Variants in KCNK10 observed in about 807,000 individuals in gnomAD.
The protein encoded by KCNK10 is potassium channel subfamily K member 10.
In KCNK10, 25 loss-of-function variants were observed where a neutral mutation model predicts 47.7. The observed-to-expected ratio is 0.52, with a 90% CI of 0.38 to 0.73. KCNK10 has a LOEUF of 0.73. KCNK10 is among the 30% of genes least tolerant of loss of function. The pLI, the probability that KCNK10 is intolerant of heterozygous loss-of-function variation, is 0.00. For synonymous variants in KCNK10, 303 were observed against 285.6 expected (o/e 1.06, Z -0.61); for missense variants, 563 against 714.5 (o/e 0.79, Z 2.42).
At chr14:88,246,822 G>A (rs1886656222) in intron 2 of KCNK10, among the ~76,000 whole-genome samples, 1 of 152,222 alleles carries the variant, frequency 6.6e-6, no homozygotes, top group South Asian at 2.1e-4. Context: ...TCTATAAAAT[G>A]AGGACTAATA....
intron 1 of KCNK10, among the ~76,000 whole-genome samples, chr14:88,294,081 C>G (rs745316370): frequency 2.0e-5 from 3 of 152,192 alleles, no homozygotes; most frequent in Non-Finnish European, 2.9e-5. Flanking sequence ...GAAACCACTA[C>G]AGCCCACTCT....
chr14:88,311,471 A>G (rs1055422978), intron 1 of KCNK10, among the ~76,000 whole-genome samples: 8 of 152,120 alleles, frequency 5.3e-5, no homozygotes, highest in African/African-American at 1.7e-4. Context: ...TCCAAACAAG[A>G]GACCACGGCT....
intron 1 of KCNK10, among the ~76,000 whole-genome samples, chr14:88,301,019 C>T (rs887054489): frequency 1.3e-5 from 2 of 152,168 alleles, no homozygotes; most frequent in Non-Finnish European, 2.9e-5. Flanking sequence ...CTACCATTCA[C>T]CAGCTCCAGG....
chr14:88,310,344 T>G (rs1888302887), intron 1 of KCNK10, among the ~76,000 whole-genome samples: 1 of 151,714 alleles, frequency 6.6e-6, no homozygotes, highest in South Asian at 2.1e-4. Context: ...GTCTTTTTCA[T>G]CTTTCTGTGT....
At chr14:88,210,802 T>C (rs1419851688) in intron 4 of KCNK10, among the ~76,000 whole-genome samples, 1 of 146,506 alleles carries the variant, frequency 6.8e-6, no homozygotes, top group Non-Finnish European at 1.5e-5. Flanking sequence ...TACCAAACGC[T>C]GTCATTTGGG....
chr14:88,213,088 T>A (rs115169451), intron 4 of KCNK10, among the ~76,000 whole-genome samples: 1,534 of 152,272 alleles, frequency 0.01, 25 homozygotes, highest in African/African-American at 0.036. Flanking sequence ...CTAGAAAGTA[T>A]CAATGACTAC....
chr14:88,325,459 G>A (rs1257112876), upstream of KCNK10, among the ~76,000 whole-genome samples: 1 of 152,102 alleles, frequency 6.6e-6, no homozygotes. Flanking sequence ...GCTGTAACTG[G>A]CCTCCTTTTA....
chr14:88,254,378 A>G (rs1283739047), intron 2 of KCNK10, among the ~76,000 whole-genome samples: 4 of 151,984 alleles, frequency 2.6e-5, no homozygotes, highest in Non-Finnish European at 4.4e-5. Context: ...CCAACCCTAA[A>G]CCCACTCCCG....
intron 2 of KCNK10, among the ~76,000 whole-genome samples, chr14:88,251,480 C>G (rs762435844): frequency 6.6e-6 from 1 of 152,088 alleles, no homozygotes; most frequent in Non-Finnish European, 1.5e-5. Flanking sequence ...ATAAAGGGCC[C>G]ATAAAGGCTT....
In KCNK10 at chr14:88,263,536, G is replaced by A; in HGVS notation, c.68C>T (p.Ala23Val). The change falls in exon 2 of 7, where the codon GCA (alanine) becomes GTA (valine). Residue 23 changes from alanine (A) to valine (V), a missense_variant. Coordinates refer to ENST00000319231, the MANE Select transcript of KCNK10 (RefSeq NM_138317.3). Reference sequence around the variant, plus strand: ...GCTCTTGGGCTGGCACACCGGTGCTGCTGCGGGAACGGCCACTGAGGAGTC... The same window carrying A: ...GCTCTTGGGCTGGCACACCGGTGCTACTGCGGGAACGGCCACTGAGGAGTC... Reference protein sequence around the residue: ...NWDPKVAVPAAAPVCQPKSAT... With the variant: ...NWDPKVAVPAVAPVCQPKSAT... 1 of 1,611,362 alleles carries A rather than the reference G, an allele frequency of 6.2e-7. No homozygotes were observed. Among genetic ancestry groups the A allele is most frequent in the Non-Finnish European group, 8.5e-7 (1 of 1,179,678 alleles).
In KCNK10 at chr14:88,260,727, T is replaced by C. The variant is rs978074255; in HGVS notation, c.402+2475A>G. Among the ~76,000 whole-genome samples the C allele has an allele frequency of 2.6e-5, 4 of 152,188 alleles. No individual in the cohort carries two copies. Among genetic ancestry groups the C allele is most frequent in the African/African-American group, 7.2e-5 (3 of 41,446 alleles). On this transcript the variant is annotated intron_variant, in intron 2 of 6. Transcript: ENST00000319231. The surrounding 1 kb of genome is among the most constrained non-coding windows in gnomAD (Gnocchi z 4.5). ...TTGTTGATAAGATTAAATGAGATAA[T>C]GGGTATATGATGCCCAGCTCATAAC...
upstream of KCNK10, among the ~76,000 whole-genome samples, chr14:88,323,466 G>A (rs1427952033): frequency 3.3e-5 from 5 of 149,430 alleles, no homozygotes; most frequent in African/African-American, 7.3e-5. Flanking sequence ...CCCGGCAAGA[G>A]GGAGCAGGGC....
chr14:88,317,292 T>C (rs1353473055), intron 1 of KCNK10, among the ~76,000 whole-genome samples: 2 of 152,210 alleles, frequency 1.3e-5, no homozygotes, highest in Non-Finnish European at 2.9e-5. Context: ...TTAATAAAGC[T>C]AGCACTTAAG....
intron 4 of KCNK10, among the ~76,000 whole-genome samples, chr14:88,203,685 C>T (rs1325555852): frequency 2.0e-5 from 3 of 152,176 alleles, no homozygotes; most frequent in Non-Finnish European, 2.9e-5. Flanking sequence ...TGTCCGTCTC[C>T]CTCAGCTCTA....
At chr14:88,239,118 CAG>C (rs1886377840) in intron 3 of KCNK10, among the ~76,000 whole-genome samples, 1 of 151,910 alleles carries the variant, frequency 6.6e-6, no homozygotes. Context: ...CAAAATGTGG[CAG>C]AGACACAGAG....
chr14:88,324,123 C>T (rs945827516), upstream of KCNK10, among the ~76,000 whole-genome samples: 1 of 152,242 alleles, frequency 6.6e-6, no homozygotes, highest in Non-Finnish European at 1.5e-5. Context: ...TGCCAAGACC[C>T]GGCAGCTCCC....
At chr14:88,210,543 T>C (rs548317004) in intron 4 of KCNK10, among the ~76,000 whole-genome samples, 1 of 152,282 alleles carries the variant, frequency 6.6e-6, no homozygotes, top group East Asian at 1.9e-4. Flanking sequence ...ATGTCATCCG[T>C]ATGCAGAGGC....
chr14:88,317,723 C>G (rs1888457061), intron 1 of KCNK10, among the ~76,000 whole-genome samples: 1 of 152,302 alleles, frequency 6.6e-6, no homozygotes, highest in Middle Eastern at 3.4e-3. Flanking sequence ...ATCTAAGACT[C>G]TAATCCCTAC....
At chr14:88,292,790 G>T (rs780403087) in intron 1 of KCNK10, among the ~76,000 whole-genome samples, 1 of 151,908 alleles carries the variant, frequency 6.6e-6, no homozygotes, top group African/African-American at 2.4e-5. Context: ...ACACCACCAC[G>T]CCCAGCTAGT....
Sources: allele counts gnomAD v4.1 joint callset (sites outside exome capture counted in the v4.1 genomes callset), GRCh38; gene constraint gnomAD v4.1.1; non-coding constraint Gnocchi (gnomAD v3.1); transcripts MANE v1.5; gene names NCBI Gene and HGNC (gene_info 2026-07-23, HGNC 2026-07-21).